SEC23A: variants seen among roughly 807,000 people sequenced by gnomAD.
SEC23A encodes protein transport protein Sec23A.
A neutral mutation model predicts 103.7 loss-of-function variants in SEC23A; 56 were observed. The ratio of observed to expected loss-of-function variants is 0.54; its 90% confidence interval spans 0.44 to 0.67. SEC23A has a LOEUF of 0.67. SEC23A is among the 30% of genes least tolerant of loss of function. The probability of loss-of-function intolerance (pLI) is 0.00; values close to 1 mark genes in which losing one functional copy is unlikely to be tolerated. For synonymous variants in SEC23A, 281 were observed against 293.0 expected (o/e 0.96, Z 0.42); for missense variants, 784 against 936.4 (o/e 0.84, Z 2.12).
intron 5 of SEC23A, chr14:39,088,046 A>G (rs754181443): frequency 5.3e-5 from 8 of 152,168 alleles, no homozygotes; most frequent in Non-Finnish European, 7.4e-5. Flanking sequence ...CATATTTAGT[A>G]CTAATAACCT....
intron 19 of SEC23A, among the ~76,000 whole-genome samples, chr14:39,036,206 C>T (rs1362661536): frequency 6.6e-6 from 1 of 151,028 alleles, no homozygotes; most frequent in Non-Finnish European, 1.5e-5. Context: ...CCTGTAGTCC[C>T]AGCTACTCAG....
chr14:39,069,219 T>C (rs2139240187), intron 9 of SEC23A, among the ~76,000 whole-genome samples: 1 of 152,348 alleles, frequency 6.6e-6, no homozygotes, highest in South Asian at 2.1e-4. Flanking sequence ...TACCATCACT[T>C]GGTATTCTTA....
chr14:39,091,691 A>T lies in SEC23A; in HGVS notation c.389T>A (p.Ile130Lys), dbSNP rs1243057919. ...GCAAGTATCAACCACATAGAGGAAT[A>T]TCAAAGGCATCTGAGGACCACGCTT... Reference protein sequence around the residue: ...VVLRGPQMPLIFLYVVDTCME... With the variant: ...VVLRGPQMPLKFLYVVDTCME... The change falls in exon 5 of 20, where the codon ATA becomes AAA. Residue 130 changes from isoleucine (I) to lysine (K), a missense_variant. By Grantham distance (102) the Ile-to-Lys change is moderately radical (BLOSUM62 -3). This residue lies in a region of SEC23A where 683 missense variants were observed against 774.2 expected (regional missense o/e 0.88). Transcript: ENST00000307712. 1.9e-6 allele frequency: 3 copies of T among 1,613,726 alleles called. No homozygotes were observed. The East Asian group carries it at 6.7e-5, about 36-fold the overall frequency.
intron 9 of SEC23A, among the ~76,000 whole-genome samples, chr14:39,068,211 C>T (rs181846447): frequency 6.6e-6 from 1 of 152,006 alleles, no homozygotes; most frequent in East Asian, 1.9e-4. Context: ...AATAGATTGG[C>T]AAAAATCAGT....
intron 9 of SEC23A, among the ~76,000 whole-genome samples, chr14:39,073,331 C>T (rs904008790): frequency 1.4e-4 from 21 of 152,338 alleles, no homozygotes; most frequent in African/African-American, 5.1e-4. Flanking sequence ...CACTCTGTGG[C>T]CCAGGCTGGA....
At chr14:39,092,071 C>A (rs1191373212) in intron 4 of SEC23A, among the ~76,000 whole-genome samples, 2 of 152,142 alleles carry the variant, frequency 1.3e-5, no homozygotes, top group Non-Finnish European at 2.9e-5. Flanking sequence ...CCAAGTGAAC[C>A]ATAATTGTTT....
At position 39,039,028 on chromosome 14, in the gene SEC23A, T is replaced by C. The variant is rs774990643; in HGVS notation, c.2208+3A>G. On this transcript the variant is annotated splice_donor_region_variant and intron_variant, in intron 19 of 19. Transcript: ENST00000307712. ...ATTTCCAAGACCTGCTATTTAAACT[T>C]ACCTGCCCCCAGGCATACATATTAT... is the stretch of plus-strand genomic sequence containing the variant. 5 of 1,610,358 alleles carry C rather than the reference T, an allele frequency of 3.1e-6. No individual in the cohort carries two copies. Among genetic ancestry groups the C allele is most frequent in the Non-Finnish European group, 3.4e-6 (4 of 1,176,662 alleles).
At chr14:39,073,603 CTTTT>C (rs905464578) in intron 9 of SEC23A, among the ~76,000 whole-genome samples, 1 of 83,892 alleles carries the variant, frequency 1.2e-5, no homozygotes, top group African/African-American at 4.6e-5. Flanking sequence ...TCTGATTCCT[CTTTT>C]TTTTTTTTTT....
Position 39,094,422 on chromosome 14 carries a change from ATATATATATATATATATATATTTTTT to A in SEC23A, c.222-1204_222-1179del, listed in dbSNP as rs1566515072. Reference sequence around the variant, plus strand: ...CATATATATATATATATATATATATATATATATATATATATATATATTTTTTTTTTTTTTTTTTCCCCTCCTGTAGA... The same window carrying A: ...CATATATATATATATATATATATATATTTTTTTTTTTTCCCCTCCTGTAGA... On this transcript the variant is annotated intron_variant, in intron 2 of 19. Coordinates refer to ENST00000307712, the MANE Select transcript of SEC23A (RefSeq NM_006364.4). Among the ~76,000 whole-genome samples the A allele has an allele frequency of 1.6e-3, 100 of 63,496 alleles. 12 individuals carry two copies. Among genetic ancestry groups the A allele is most frequent in the African/African-American group, 0.01 (93 of 9,094 alleles). The allele number at this position is 63,496 out of a possible 152,430, so 41.7% of individuals were successfully genotyped here.
intron 13 of SEC23A, among the ~76,000 whole-genome samples, chr14:39,059,309 A>AAAAAAAG (rs1566491630): frequency 2.3e-5 from 2 of 87,590 alleles, no homozygotes; most frequent in African/African-American, 7.2e-5. Flanking sequence ...AAAAAAAAAA[A>AAAAAAAG]ACAACAAGGT....
intron 19 of SEC23A, among the ~76,000 whole-genome samples, chr14:39,034,828 G>A (rs1885409050): frequency 6.6e-6 from 1 of 152,096 alleles, no homozygotes; most frequent in African/African-American, 2.4e-5. Flanking sequence ...ACATTATTTA[G>A]TATATGAGGC....
At chr14:39,076,192 T>A in intron 7 of SEC23A, 99 bp from the exon 8 acceptor site, 1 of 934,794 alleles carries the variant, frequency 1.1e-6, no homozygotes, top group Non-Finnish European at 1.6e-6. Flanking sequence ...GAAAAGCATA[T>A]ATTTTCTAAG....
At chr14:39,057,858 G>C (rs1383562976) in intron 13 of SEC23A, among the ~76,000 whole-genome samples, 2 of 152,188 alleles carry the variant, frequency 1.3e-5, no homozygotes, top group Admixed American at 1.3e-4. Flanking sequence ...AATGAATAAA[G>C]TGTCGGAAGT....
At chr14:39,058,368 C>T (rs999607914) in intron 13 of SEC23A, among the ~76,000 whole-genome samples, 7 of 151,750 alleles carry the variant, frequency 4.6e-5, no homozygotes, top group African/African-American at 9.7e-5. Context: ...ACTGCAGTGG[C>T]GCAATCTCGG....
chr14:39,091,277 TGAA>T, intron 5 of SEC23A, 197 bp downstream of exon 5: 1 of 587,810 alleles, frequency 1.7e-6, no homozygotes, highest in Non-Finnish European at 3.0e-6. Context: ...TAGTTAAAAG[TGAA>T]GGGTGTTTAA....
rs35412542 is a variant in SEC23A at position 39,083,493 on chromosome 14, T to A, written c.828+2269A>T. Among the ~76,000 whole-genome samples, 36 of 150,930 alleles carry A rather than the reference T, an allele frequency of 2.4e-4. No individual in the cohort carries two copies. In the East Asian group the frequency reaches 6.8e-3, roughly 29 times the overall value. On this transcript the variant is annotated intron_variant, in intron 7 of 19. Transcript: ENST00000307712. Reference sequence around the variant, plus strand: ...AAAATTTATAAAACCAACTGTGCTCTGACCACCTTGGACGCATGTCATCAG... The same window carrying A: ...AAAATTTATAAAACCAACTGTGCTCAGACCACCTTGGACGCATGTCATCAG...
At chr14:39,101,162 T>TA (rs1888077992) in intron 1 of SEC23A, among the ~76,000 whole-genome samples, 2 of 151,984 alleles carry the variant, frequency 1.3e-5, no homozygotes, top group South Asian at 2.1e-4. Context: ...TTATTTTTTT[T>TA]AAAAAGTGAT....
chr14:39,047,386 G>C, intron 15 of SEC23A: 1 of 1,288,568 alleles, frequency 7.8e-7, no homozygotes, highest in Non-Finnish European at 1.0e-6. Context: ...AGCAGACCTT[G>C]CCTTTTCCTG....
chr14:39,081,310 A>C (rs1311671549), intron 7 of SEC23A, among the ~76,000 whole-genome samples: 1 of 152,156 alleles, frequency 6.6e-6, no homozygotes, highest in Non-Finnish European at 1.5e-5. Flanking sequence ...TTTTATATCC[A>C]ACCAAGCTAT....
Sources: gnomAD v4.1 joint callset for allele counts (sites outside exome capture counted in the v4.1 genomes callset) on GRCh38, gnomAD v4.1.1 for gene constraint, gnomAD v4.1.1 regional missense constraint, MANE v1.5 for transcripts, NCBI Gene and HGNC (gene_info 2026-07-23, HGNC 2026-07-21) for gene names.